The following DCTN5 variants were observed in gnomAD, a reference collection of about 807,000 sequenced individuals.
DCTN5 encodes the protein dynactin subunit 5, also known as dynactin 4.
Under a neutral mutation model 23.5 loss-of-function variants are expected in DCTN5, and 14 were observed. The observed-to-expected ratio is 0.60, with a 90% confidence interval of 0.39 to 0.93. DCTN5 has a LOEUF of 0.93. DCTN5 is among the 40% of genes least tolerant of loss of function. The probability of loss-of-function intolerance (pLI) is 0.00; values close to 1 mark genes in which losing one functional copy is unlikely to be tolerated. For synonymous variants in DCTN5, 67 were observed against 79.6 expected (o/e 0.84, Z 0.84); for missense variants, 156 against 225.9 (o/e 0.69, Z 1.98).
intron 4 of DCTN5, among the ~76,000 whole-genome samples, chr16:23,662,295 G>T (rs1332614318): frequency 1.3e-5 from 2 of 152,146 alleles, no homozygotes; most frequent in Non-Finnish European, 1.5e-5. Context: ...TCATCAAAGG[G>T]CATTTACATG....
rs557186057 is a variant in DCTN5 at position 23,659,063 on chromosome 16, C to G, written c.236+438C>G. Among the ~76,000 whole-genome samples, 4 of 152,248 alleles carry G rather than the reference C, an allele frequency of 2.6e-5. No individual in the cohort carries two copies. In the South Asian group the frequency reaches 8.3e-4, roughly 32 times the overall value. The stretch of plus-strand genomic sequence containing the variant: ...GCCTTTTCTCTCTCACAGATACCTG[C>G]CCCATTTGTTCATGGAGCCTACCTT... On this transcript the variant is annotated intron_variant, in intron 3 of 5. Transcript: ENST00000300087.
In DCTN5 at chr16:23,673,364, C is replaced by A. The variant is rs1376415144; in HGVS notation, c.*6220C>A. 6.6e-6 allele frequency: 1 copy of A among 152,178 alleles called. No homozygotes were observed. The highest frequency in any genetic ancestry group is 1.5e-5 in the Non-Finnish European group (1 of 68,040). The allele number at this position is 152,178 out of a possible 1,614,324, so 9.4% of individuals were successfully genotyped here. On this transcript the variant is annotated 3_prime_UTR_variant, in exon 6 of 6. Coordinates refer to ENST00000300087, the MANE Select transcript of DCTN5 (RefSeq NM_032486.4). Reference sequence around the variant, plus strand: ...TCCTGGGCTCAAGCGATCTTGGCCTCCCTAAGTGCTGGGATTACAGTCATG... The same window carrying A: ...TCCTGGGCTCAAGCGATCTTGGCCTACCTAAGTGCTGGGATTACAGTCATG...
chr16:23,658,772 G>A (rs1967759100), intron 3 of DCTN5, 147 bp downstream of exon 3: 15 of 679,130 alleles, frequency 2.2e-5, no homozygotes, highest in Middle Eastern at 2.6e-4. Context: ...CAACTCTGCT[G>A]GTGGTTGTCT....
rs1216987192 is a variant in DCTN5 at position 23,670,508 on chromosome 16, C to G, written c.*3364C>G. 1 of 152,086 alleles carries G rather than the reference C, an allele frequency of 6.6e-6. No individual in the cohort carries two copies. The highest frequency in any genetic ancestry group is 1.5e-5 in the Non-Finnish European group (1 of 68,024). 9.4% of individuals were successfully genotyped at this position (152,086 alleles called of 1,614,324 possible). ...GTATCCTGTTCTATCCAGTGAGAGC[C>G]TAGAGGGTGCTGCCCAGCCATATTC... On this transcript the variant is annotated 3_prime_UTR_variant, in exon 6 of 6. Coordinates refer to ENST00000300087, the MANE Select transcript of DCTN5 (RefSeq NM_032486.4).
chr16:23,654,309 TGTG>T (rs1967659837), intron 2 of DCTN5, among the ~76,000 whole-genome samples: 1 of 152,102 alleles, frequency 6.6e-6, no homozygotes, highest in South Asian at 2.1e-4. Context: ...ATAAAGAAAA[TGTG>T]GTACAGGTAC....
Position 23,644,967 on chromosome 16 carries a change from GC to G in DCTN5, c.117+1945del, listed in dbSNP as rs1217238773. On this transcript the variant is annotated intron_variant, in intron 2 of 5. Coordinates refer to ENST00000300087, the MANE Select transcript of DCTN5 (RefSeq NM_032486.4). ...GCTAATTTTTGTATTTTTAGTAGAG[GC>G]AGGGTTTTGCCACGTTGGCCAGGCT... Among the ~76,000 whole-genome samples, 3 of 141,462 alleles carry G rather than the reference GC, an allele frequency of 2.1e-5. No individual in the cohort carries two copies. The East Asian group carries it at 6.7e-4, about 32-fold the overall frequency. 92.8% of individuals were successfully genotyped at this position (141,462 alleles called of 152,430 possible).
In DCTN5 at chr16:23,675,241, A is replaced by G. The variant is rs1196824744; in HGVS notation, c.*8097A>G. The G allele has an allele frequency of 1.3e-5, 2 of 152,134 alleles. No homozygotes were observed. The highest frequency in any genetic ancestry group is 4.8e-5 in the African/African-American group (2 of 41,436). The allele number at this position is 152,134 out of a possible 1,614,324, so 9.4% of individuals were successfully genotyped here. A position where few individuals can be genotyped will look rare whatever the true frequency, so the allele number is the denominator to read the frequency against. On this transcript the variant is annotated 3_prime_UTR_variant, in exon 6 of 6. Coordinates refer to ENST00000300087, the MANE Select transcript of DCTN5 (RefSeq NM_032486.4). ...GTTGGCCAGGCGCAGTGATGGATGC[A>G]TATGATCCCAGCACTTTGGGAGGCC...
intron 2 of DCTN5, among the ~76,000 whole-genome samples, 171 bp from the exon 3 acceptor site, chr16:23,658,336 T>C (rs1967748542): frequency 6.6e-6 from 1 of 152,238 alleles, no homozygotes; most frequent in Non-Finnish European, 1.5e-5. Context: ...GTCACTGTCA[T>C]GAGGGCAGTT....
chr16:23,648,993 G>A (rs1441427595), intron 2 of DCTN5, among the ~76,000 whole-genome samples: 3 of 152,042 alleles, frequency 2.0e-5, no homozygotes, highest in Non-Finnish European at 2.9e-5. Flanking sequence ...GAGTTGCTGG[G>A]ACTACAGGCG....
Position 23,668,492 on chromosome 16 carries a change from C to A in DCTN5, c.*1348C>A, listed in dbSNP as rs1967946988. 6.6e-6 allele frequency: 1 copy of A among 152,230 alleles called. No homozygotes were observed. The highest frequency in any genetic ancestry group is 1.9e-4 in the East Asian group (1 of 5,202). 9.4% of individuals were successfully genotyped at this position (152,230 alleles called of 1,614,324 possible). ...TGCAGTGATAGTCAGCTGGTCCAGGCCAGGCAAGGGGCTGGTCCATGATGT... is the reference window on the plus strand; with the variant it reads ...TGCAGTGATAGTCAGCTGGTCCAGGACAGGCAAGGGGCTGGTCCATGATGT... On this transcript the variant is annotated 3_prime_UTR_variant, in exon 6 of 6. Transcript: ENST00000300087.
intron 4 of DCTN5, among the ~76,000 whole-genome samples, chr16:23,662,916 G>A (rs1967840975): frequency 6.6e-6 from 1 of 152,168 alleles, no homozygotes; most frequent in Non-Finnish European, 1.5e-5. Flanking sequence ...CTATTGTCAG[G>A]TGCTCTTGTT....
chr16:23,658,459 C>T (rs573173609), intron 2 of DCTN5, 48 bp from the exon 3 acceptor site: 78 of 1,207,710 alleles, frequency 6.5e-5, no homozygotes, highest in African/African-American at 5.6e-4. Context: ...TTTTTTGTTA[C>T]GTCTTAGGCT....
chr16:23,647,881 C>T (rs1967504106), intron 2 of DCTN5, among the ~76,000 whole-genome samples: 1 of 152,062 alleles, frequency 6.6e-6, no homozygotes, highest in South Asian at 2.1e-4. Context: ...ACATATATGT[C>T]ATAAAGCATA....
chr16:23,666,337 C>T (rs1967905591), intron 5 of DCTN5: 3 of 153,722 alleles, frequency 2.0e-5, no homozygotes, highest in Non-Finnish European at 4.3e-5. Context: ...CAGCAATACC[C>T]TGGGGATACC....
chr16:23,674,652 T>A lies in DCTN5; in HGVS notation c.*7508T>A, dbSNP rs940200626. ...CCAGAAAGGTATTAGGCTTTTCTAG[T>A]CTGCTCATTGAATAATCAGGACAAA... On this transcript the variant is annotated 3_prime_UTR_variant, in exon 6 of 6. Transcript: ENST00000300087. 6.6e-6 allele frequency: 1 copy of A among 152,254 alleles called. No individual in the cohort carries two copies. Among genetic ancestry groups the A allele is most frequent in the African/African-American group, 2.4e-5 (1 of 41,466 alleles). The allele number at this position is 152,254 out of a possible 1,614,324, so 9.4% of individuals were successfully genotyped here.
At chr16:23,663,009 C>T (rs1358718167) in intron 4 of DCTN5, among the ~76,000 whole-genome samples, 1 of 152,202 alleles carries the variant, frequency 6.6e-6, no homozygotes, top group African/African-American at 2.4e-5. Context: ...GACAAATACT[C>T]GATCTCAGGA....
At chr16:23,647,221 C>T (rs1242635355) in intron 2 of DCTN5, among the ~76,000 whole-genome samples, 1 of 151,046 alleles carries the variant, frequency 6.6e-6, no homozygotes, top group African/African-American at 2.4e-5. Flanking sequence ...CAACTTCCTT[C>T]TCTCAGGTTC....
chr16:23,641,944 A>G (rs150169312), intron 1 of DCTN5, among the ~76,000 whole-genome samples: 2,772 of 151,820 alleles, frequency 0.018, 83 homozygotes, highest in African/African-American at 0.064. Context: ...TTTTTGAGGA[A>G]GGGGGTTGGG....
chr16:23,661,085 C>G, intron 3 of DCTN5, 85 bp from the exon 4 acceptor site: 6 of 845,170 alleles, frequency 7.1e-6, no homozygotes, highest in Middle Eastern at 5.3e-4. Context: ...TGATAAAGTT[C>G]AAATTATGAT....
Sources: gnomAD v4.1 joint callset for allele counts (sites outside exome capture counted in the v4.1 genomes callset) on GRCh38, gnomAD v4.1.1 for gene constraint, MANE v1.5 for transcripts, NCBI Gene and HGNC (gene_info 2026-07-23, HGNC 2026-07-21) for gene names.